The following TRIM58 variants were observed in gnomAD, a reference collection of about 807,000 sequenced individuals.
TRIM58 encodes the protein E3 ubiquitin-protein ligase TRIM58.
A neutral mutation model predicts 34.1 loss-of-function variants in TRIM58; 38 were observed. That is an observed-to-expected ratio of 1.12 (90% CI 0.86 to 1.46). TRIM58 has a LOEUF of 1.46. TRIM58 is among the 40% of genes most tolerant of loss of function. The probability of loss-of-function intolerance (pLI) is 0.00; values close to 1 mark genes in which losing one functional copy is unlikely to be tolerated. For missense variants in TRIM58, 677 were observed against 642.0 expected, an observed-to-expected ratio of 1.05 and a Z score of -0.59; for synonymous variants, 273 against 275.7, an observed-to-expected ratio of 0.99 and a Z score of 0.10.
chr1:247,865,034 T>G, intron 3 of TRIM58, 99 bp downstream of exon 3: 1 of 1,176,008 alleles, frequency 8.5e-7, no homozygotes, highest in South Asian at 1.6e-5. Context: ...TTTATGTTCT[T>G]TAGGAAAAGG....
In TRIM58 at chr1:247,876,206, T is replaced by G. The variant is rs779369243; in HGVS notation, c.1178T>G (p.Met393Arg). Residue 393 changes from methionine (M) to arginine (R), a missense_variant, in exon 6 of 6, where the codon ATG becomes AGG. By Grantham distance (91) the Met-to-Arg change is moderately conservative (BLOSUM62 -1). Coordinates refer to ENST00000366481, the MANE Select transcript of TRIM58 (RefSeq NM_015431.4). ...ALWLLKGNEY[M>R]VLASPSVPLL... is the part of the protein sequence containing the mutation. ...TGGCTGCTGAAAGGGAATGAGTACA[T>G]GGTCCTTGCCTCCCCATCAGTGCCT... 4.3e-6 allele frequency: 7 copies of G among 1,614,212 alleles called. No homozygotes were observed. The highest frequency in any genetic ancestry group is 4.2e-6 in the Non-Finnish European group (5 of 1,180,038).
intron 5 of TRIM58, among the ~76,000 whole-genome samples, chr1:247,869,298 T>C (rs1272537184): frequency 6.6e-6 from 1 of 151,972 alleles, no homozygotes; most frequent in Non-Finnish European, 1.5e-5. Context: ...TAAGCCCCTC[T>C]CCCTCTTCAG....
Position 247,864,946 on chromosome 1 carries a change from G to A in TRIM58, c.747+11G>A. On this transcript the variant is annotated intron_variant, in intron 3 of 5. Transcript: ENST00000366481. The stretch of plus-strand genomic sequence containing the variant: ...CTGGGTCTGCTGGAGGTGAGGCCGG[G>A]TGCCAGAAAAGCAGGCAGATGTGAG... 1.3e-6 allele frequency: 2 copies of A among 1,552,766 alleles called. No individual in the cohort carries two copies. The highest frequency in any genetic ancestry group is 8.7e-7 in the Non-Finnish European group (1 of 1,147,722).
At chr1:247,874,452 C>T (rs1659233557) in intron 5 of TRIM58, among the ~76,000 whole-genome samples, 1 of 152,128 alleles carries the variant, frequency 6.6e-6, no homozygotes, top group Admixed American at 6.5e-5. Flanking sequence ...GCCCCACCTT[C>T]AACATTGGGA....
chr1:247,862,005 A>G (rs911806382), intron 2 of TRIM58, among the ~76,000 whole-genome samples: 17 of 152,084 alleles, frequency 1.1e-4, no homozygotes, highest in Middle Eastern at 3.4e-3. Context: ...GCACATGCCT[A>G]TAATCCCAGC....
intron 3 of TRIM58, among the ~76,000 whole-genome samples, chr1:247,865,531 T>C (rs1200965041): frequency 6.6e-6 from 1 of 152,204 alleles, no homozygotes; most frequent in Middle Eastern, 3.2e-3. Flanking sequence ...AATTGTTATA[T>C]TGGATTGTAA....
Position 247,876,706 on chromosome 1 carries a change from C to T in TRIM58, c.*217C>T. ...ATTTTGTAAATGGAGCAATCTCAAC[C>T]TCTATTTCTAGATCACATTTTCTTG... On this transcript the variant is annotated 3_prime_UTR_variant, in exon 6 of 6. Coordinates refer to ENST00000366481, the MANE Select transcript of TRIM58 (RefSeq NM_015431.4). 1 of 532,940 alleles carries T rather than the reference C, an allele frequency of 1.9e-6. No individual in the cohort carries two copies. The highest frequency in any genetic ancestry group is 3.6e-5 in the Admixed American group (1 of 28,010). The allele number at this position is 532,940 out of a possible 1,614,324, so 33.0% of individuals were successfully genotyped here.
intron 3 of TRIM58, among the ~76,000 whole-genome samples, chr1:247,865,362 A>G (rs1202967348): frequency 1.3e-5 from 2 of 152,240 alleles, no homozygotes; most frequent in East Asian, 1.9e-4. Context: ...AGGACAAGCT[A>G]CACTCTGCTG....
In TRIM58 at chr1:247,857,540, G is replaced by A. The variant is rs779061825; in HGVS notation, c.294G>A (p.Arg98=). 5.5e-6 allele frequency: 7 copies of A among 1,281,948 alleles called. No homozygotes were observed. The highest frequency in any genetic ancestry group is 5.9e-6 in the Non-Finnish European group (6 of 1,019,264). 79.4% of individuals were successfully genotyped at this position (1,281,948 alleles called of 1,614,324 possible). The change falls in exon 1 of 6, where the codon CGG becomes CGA. Residue 98 remains arginine (R), a synonymous_variant. Coordinates refer to ENST00000366481, the MANE Select transcript of TRIM58 (RefSeq NM_015431.4). ...GAGPGARRCA[R]HGEDLSRFCE... ...GGCCCGGGGCGCGGCGATGCGCGCG[G>A]CACGGCGAGGACCTGAGCCGCTTCT...
At chr1:247,862,021 G>C (rs1467853528) in intron 2 of TRIM58, among the ~76,000 whole-genome samples, 4 of 152,096 alleles carry the variant, frequency 2.6e-5, no homozygotes, top group African/African-American at 9.7e-5. Context: ...CCAGCTACTC[G>C]GGAGGCTGAG....
In TRIM58 at chr1:247,864,828, A is replaced by C; in HGVS notation, c.640A>C (p.Arg214=). The change falls in exon 3 of 6, where the codon AGA becomes CGA. Residue 214 remains arginine, a synonymous_variant. Coordinates refer to ENST00000366481, the MANE Select transcript of TRIM58 (RefSeq NM_015431.4). ...LEAEERATLQ[R]LRESKSRLVQ... ...GGCGGAGGAGCGAGCGACGCTGCAG[A>C]GACTGCGGGAGAGCAAGAGCCGGCT... The C allele has an allele frequency of 6.2e-7, 1 of 1,613,622 alleles. No individual in the cohort carries two copies. The highest frequency in any genetic ancestry group is 8.5e-7 in the Non-Finnish European group (1 of 1,179,972).
chr1:247,879,913 G>C lies in TRIM58; in HGVS notation c.*3424G>C, dbSNP rs1659371922. On this transcript the variant is annotated 3_prime_UTR_variant, in exon 6 of 6. Transcript: ENST00000366481. ...TTGCCAGGCTCAGTGGAGGCTCTTTGTTCCCCATACAGTACGTGTCGTCGT... is the reference window on the plus strand; with the variant it reads ...TTGCCAGGCTCAGTGGAGGCTCTTTCTTCCCCATACAGTACGTGTCGTCGT... Among the ~76,000 whole-genome samples the C allele has an allele frequency of 6.6e-6, 1 of 151,796 alleles. No individual in the cohort carries two copies. Among genetic ancestry groups the C allele is most frequent in the Admixed American group, 6.6e-5 (1 of 15,248 alleles).
intron 1 of TRIM58, 128 bp downstream of exon 1, chr1:247,857,794 C>G: frequency 3.4e-6 from 4 of 1,165,270 alleles, no homozygotes; most frequent in Non-Finnish European, 4.3e-6. Context: ...CACCGCGCGC[C>G]GTCCCCCCCG....
In TRIM58 at chr1:247,876,355, C is replaced by T; in HGVS notation, c.1327C>T (p.Leu443Phe). 1 of 1,614,184 alleles carries T rather than the reference C, an allele frequency of 6.2e-7. No individual in the cohort carries two copies. The highest frequency in any genetic ancestry group is 8.5e-7 in the Non-Finnish European group (1 of 1,180,028). ...CACATTCAACCAACTCTTCTCTGGTCTTCTTCGGCCTTACTTTTTCATCTG... is the reference window on the plus strand; with the variant it reads ...CACATTCAACCAACTCTTCTCTGGTTTTCTTCGGCCTTACTTTTTCATCTG... ...IYTFNQLFSG[L>F]LRPYFFICDA... The change falls in exon 6 of 6, where the codon CTT becomes TTT. Residue 443 changes from leucine (L) to phenylalanine (F), a missense_variant. By Grantham distance (22) the Leu-to-Phe change is conservative. Coordinates refer to ENST00000366481, the MANE Select transcript of TRIM58 (RefSeq NM_015431.4).
chr1:247,859,063 A>AT, intron 1 of TRIM58, among the ~76,000 whole-genome samples: 1 of 151,928 alleles, frequency 6.6e-6, no homozygotes, highest in Non-Finnish European at 1.5e-5. Context: ...CTCTAGTGTA[A>AT]TATTTCTAAA....
chr1:247,857,291 G>A lies in TRIM58; in HGVS notation c.45G>A (p.Arg15=). Residue 15 remains arginine (R), a synonymous_variant, in exon 1 of 6, where the codon CGG becomes CGA. Coordinates refer to ENST00000366481, the MANE Select transcript of TRIM58 (RefSeq NM_015431.4). ...GGGAGCGGCTGCGCGAGGATGCGCG[G>A]TGCCCGGTGTGCCTGGATTTCCTGC... ...PPGERLREDA[R]CPVCLDFLQE... is the part of the protein sequence containing the mutation. 3 of 1,395,672 alleles carry A rather than the reference G, an allele frequency of 2.1e-6. No homozygotes were observed. Among genetic ancestry groups the A allele is most frequent in the Non-Finnish European group, 2.8e-6 (3 of 1,066,528 alleles). The allele number at this position is 1,395,672 out of a possible 1,614,324, so 86.5% of individuals were successfully genotyped here.
chr1:247,872,008 C>A (rs568426916), intron 5 of TRIM58, among the ~76,000 whole-genome samples: 1 of 152,128 alleles, frequency 6.6e-6, no homozygotes, highest in Non-Finnish European at 1.5e-5. Flanking sequence ...CAAGGCCTGA[C>A]GTGGAGGATG....
In TRIM58 at chr1:247,879,852, C is replaced by A. The variant is rs988913868; in HGVS notation, c.*3363C>A. On this transcript the variant is annotated 3_prime_UTR_variant, in exon 6 of 6. Coordinates refer to ENST00000366481, the MANE Select transcript of TRIM58 (RefSeq NM_015431.4). ...GTGATACCACACAGCCCTACTCCCC[C>A]CAGAGCCCATCTAGAGCTCACCTTT... Among the ~76,000 whole-genome samples, 1 of 151,922 alleles carries A rather than the reference C, an allele frequency of 6.6e-6. No homozygotes were observed. Among genetic ancestry groups the A allele is most frequent in the Admixed American group, 6.6e-5 (1 of 15,246 alleles).
intron 1 of TRIM58, among the ~76,000 whole-genome samples, chr1:247,859,869 A>C (rs1663742369): frequency 6.6e-6 from 1 of 152,096 alleles, no homozygotes; most frequent in African/African-American, 2.4e-5. Flanking sequence ...CTTCATCCAA[A>C]CACCAATAGA....
Sources: allele counts gnomAD v4.1 joint callset (sites outside exome capture counted in the v4.1 genomes callset), GRCh38; gene constraint gnomAD v4.1.1; transcripts MANE v1.5; gene names NCBI Gene and HGNC (gene_info 2026-07-23, HGNC 2026-07-21).